CPNE4: variants seen among roughly 807,000 people sequenced by gnomAD.
CPNE4 encodes copine 4, also known as copine-4.
Under a neutral mutation model 67.9 loss-of-function variants are expected in CPNE4, and 25 were observed. The observed-to-expected ratio is 0.37, with a 90% CI of 0.27 to 0.51. The LOEUF is 0.51. Ranked by LOEUF, CPNE4 falls within the 20% of genes least tolerant of loss-of-function variation. The pLI is 0.93. For missense variants in CPNE4, 464 were observed against 690.8 expected (o/e 0.67, Z 3.68); for synonymous variants, 242 against 244.9 (o/e 0.99, Z 0.11).
intron 1 of CPNE4, among the ~76,000 whole-genome samples, chr3:131,987,341 A>C (rs1226572328): frequency 6.6e-6 from 1 of 152,114 alleles, no homozygotes; most frequent in Non-Finnish European, 1.5e-5. Context: ...TGACACAATA[A>C]GTAGTACACT....
chr3:132,010,238 C>T (rs16838249), intron 1 of CPNE4, among the ~76,000 whole-genome samples: 2 of 152,104 alleles, frequency 1.3e-5, no homozygotes, highest in East Asian at 1.9e-4. Flanking sequence ...CCTAACCTGG[C>T]GTGAAGTTTA....
chr3:131,854,123 A>C (rs999378661), intron 2 of CPNE4, among the ~76,000 whole-genome samples: 1 of 151,956 alleles, frequency 6.6e-6, no homozygotes, highest in South Asian at 2.1e-4. Flanking sequence ...CTAAAAACCG[A>C]TAATAGCACA....
At chr3:131,922,588 A>G (rs1443943266) in intron 1 of CPNE4, among the ~76,000 whole-genome samples, 1 of 152,238 alleles carries the variant, frequency 6.6e-6, no homozygotes, top group Non-Finnish European at 1.5e-5. Context: ...GGAGGGCATG[A>G]GATGCTCAAA....
intron 2 of CPNE4, among the ~76,000 whole-genome samples, chr3:131,857,017 C>CAA (rs2086472374): frequency 2.0e-5 from 3 of 152,018 alleles, no homozygotes; most frequent in Admixed American, 1.3e-4. Flanking sequence ...CATAATGCTT[C>CAA]AAGTATATAC....
intron 2 of CPNE4, among the ~76,000 whole-genome samples, chr3:131,746,819 C>G (rs1374046893): frequency 1.3e-5 from 2 of 152,004 alleles, no homozygotes; most frequent in Non-Finnish European, 2.9e-5. Flanking sequence ...TATTGTAGTT[C>G]TATTTTTAAT....
At chr3:132,038,166 G>C (rs2074368053), upstream of CPNE4, among the ~76,000 whole-genome samples, 1 of 152,066 alleles carries the variant, frequency 6.6e-6, no homozygotes, top group Non-Finnish European at 1.5e-5. Flanking sequence ...TTTGAGAACT[G>C]ACTGATATGT....
intron 7 of CPNE4, among the ~76,000 whole-genome samples, chr3:131,642,904 T>C (rs2079573909): frequency 6.6e-6 from 1 of 152,184 alleles, no homozygotes; most frequent in African/African-American, 2.4e-5. Context: ...AATGGACTAA[T>C]ATAGTAAATT....
intron 2 of CPNE4, among the ~76,000 whole-genome samples, chr3:131,881,962 A>G (rs1418614136): frequency 6.6e-6 from 1 of 152,176 alleles, no homozygotes; most frequent in Non-Finnish European, 1.5e-5. Flanking sequence ...TTTTCTTCCT[A>G]CTAAGAATAC....
rs1183123421 is a variant in CPNE4 at position 131,535,262 on chromosome 3, T to C, written c.1607A>G (p.Asn536Ser). Residue 536 changes from asparagine to serine, a missense_variant, in exon 16 of 16, where the codon AAT becomes AGT. Asn to Ser is a conservative substitution (Grantham distance 46). Coordinates refer to ENST00000429747, the MANE Select transcript of CPNE4 (RefSeq NM_130808.3). ...EVPNQVVDYYNGKGIKPKCSS... is the reference protein window; with the variant it reads ...EVPNQVVDYYSGKGIKPKCSS... ...ACATTTTGGTTTAATTCCTTTGCCA[T>C]TGTAATAGTCCACAACTTGGTTTGG... 1.9e-6 allele frequency: 3 copies of C among 1,613,924 alleles called. No individual in the cohort carries two copies. The highest frequency in any genetic ancestry group is 2.5e-6 in the Non-Finnish European group (3 of 1,179,982).
chr3:131,618,062 G>T (rs1327677163), intron 7 of CPNE4, among the ~76,000 whole-genome samples: 1 of 152,198 alleles, frequency 6.6e-6, no homozygotes, highest in African/African-American at 2.4e-5. Context: ...ATGGGGAGGT[G>T]AGCTCAGGGT....
At chr3:131,871,225 A>G (rs949347785) in intron 2 of CPNE4, among the ~76,000 whole-genome samples, 1 of 152,188 alleles carries the variant, frequency 6.6e-6, no homozygotes, top group Non-Finnish European at 1.5e-5. Context: ...ACGGTCTTAC[A>G]ATTCCATCAA....
chr3:131,722,469 A>G (rs189245503), intron 3 of CPNE4, among the ~76,000 whole-genome samples: 108 of 144,164 alleles, frequency 7.5e-4, no homozygotes, highest in African/African-American at 2.7e-3. Flanking sequence ...TCTGACCCCT[A>G]TGAGTTGCTT....
chr3:131,863,028 A>G (rs200561543), intron 2 of CPNE4, among the ~76,000 whole-genome samples: 9,350 of 148,220 alleles, frequency 0.063, 444 homozygotes, highest in East Asian at 0.14. Flanking sequence ...TCCCTACAAA[A>G]GACATGAACT....
intron 3 of CPNE4, among the ~76,000 whole-genome samples, chr3:131,720,620 C>G (rs1297062874): frequency 6.6e-6 from 1 of 152,164 alleles, no homozygotes; most frequent in South Asian, 2.1e-4. Flanking sequence ...AGTATATATA[C>G]ACAAAGTGTA....
At chr3:131,611,910 G>A (rs757844243) in intron 7 of CPNE4, among the ~76,000 whole-genome samples, 15 of 152,024 alleles carry the variant, frequency 9.9e-5, no homozygotes, top group East Asian at 1.9e-4. Flanking sequence ...CCCAAGTCAC[G>A]GTAAATGAGC....
intron 7 of CPNE4, among the ~76,000 whole-genome samples, chr3:131,654,481 A>C (rs908649882): frequency 6.6e-6 from 1 of 152,086 alleles, no homozygotes; most frequent in African/African-American, 2.4e-5. Context: ...TTCCACTTAC[A>C]AGTGAGAACA....
intron 2 of CPNE4, among the ~76,000 whole-genome samples, chr3:131,748,825 C>T (rs1318150317): frequency 2.6e-5 from 4 of 151,926 alleles, no homozygotes; most frequent in Non-Finnish European, 5.9e-5. Flanking sequence ...GGTTTCATTC[C>T]TAATTTTGAT....
intron 1 of CPNE4, among the ~76,000 whole-genome samples, chr3:131,996,902 C>T (rs1281781025): frequency 1.3e-5 from 2 of 152,026 alleles, no homozygotes; most frequent in Non-Finnish European, 2.9e-5. Flanking sequence ...CCAAAATGTA[C>T]AGAACATCTG....
rs555111862 is a variant in CPNE4, at chr3:131,554,311, G to A, written c.1116+1186C>T. On this transcript the variant is annotated intron_variant, in intron 12 of 15. Coordinates refer to ENST00000429747, the MANE Select transcript of CPNE4 (RefSeq NM_130808.3). Reference sequence around the variant, plus strand: ...ATCTTAGTGTTGCCAGGCCTTTCAGGTTTTCAAGAGAAACCAGAAATCTGA... The same window carrying A: ...ATCTTAGTGTTGCCAGGCCTTTCAGATTTTCAAGAGAAACCAGAAATCTGA... Among the ~76,000 whole-genome samples, 7 of 152,150 alleles carry A rather than the reference G, an allele frequency of 4.6e-5. No individual in the cohort carries two copies. In the South Asian group the frequency reaches 8.3e-4, roughly 18 times the overall value.
Sources: gnomAD v4.1 joint callset for allele counts (sites outside exome capture counted in the v4.1 genomes callset) on GRCh38, gnomAD v4.1.1 for gene constraint, MANE v1.5 for transcripts, NCBI Gene and HGNC (gene_info 2026-07-23, HGNC 2026-07-21) for gene names.